SLC9C1: variants seen among roughly 807,000 people sequenced by gnomAD.
The protein encoded by SLC9C1 is sodium/hydrogen exchanger 10.
Under a neutral mutation model 140.9 loss-of-function variants are expected in SLC9C1, and 97 were observed. The ratio of observed to expected loss-of-function variants is 0.69; its 90% confidence interval spans 0.58 to 0.82. SLC9C1 has a LOEUF of 0.82. Ranked by LOEUF, SLC9C1 falls within the 40% of genes least tolerant of loss-of-function variation. SLC9C1 has a pLI of 0.00. For missense variants in SLC9C1, 1,340 were observed against 1,389.3 expected, an observed-to-expected ratio of 0.96 and a Z score of 0.56; for synonymous variants, 440 against 442.6, an observed-to-expected ratio of 0.99 and a Z score of 0.07.
intron 11 of SLC9C1, among the ~76,000 whole-genome samples, chr3:112,240,407 A>G (rs1022853517): frequency 6.6e-6 from 1 of 152,206 alleles, no homozygotes; most frequent in African/African-American, 2.4e-5. Flanking sequence ...GTGCCCATAT[A>G]TTCAGTTAAA....
chr3:112,149,345 C>CAG, intron 28 of SLC9C1, among the ~76,000 whole-genome samples: 1 of 150,380 alleles, frequency 6.6e-6, no homozygotes, highest in Middle Eastern at 3.6e-3. Flanking sequence ...GGGCATGAAG[C>CAG]AGAGAGAGAG....
intron 8 of SLC9C1, among the ~76,000 whole-genome samples, chr3:112,265,222 A>T (rs1381155614): frequency 6.6e-6 from 1 of 152,098 alleles, no homozygotes; most frequent in African/African-American, 2.4e-5. Context: ...CAAGAAAGAC[A>T]TCACAACTTA....
At chr3:112,162,800 A>C (rs916538074) in intron 26 of SLC9C1, among the ~76,000 whole-genome samples, 13 of 130,902 alleles carry the variant, frequency 9.9e-5, no homozygotes, top group Admixed American at 1.6e-4. Context: ...TGAGTTAGGG[A>C]GGATTCCCTC....
At chr3:112,217,400 GT>G (rs779989947) in intron 15 of SLC9C1, 41 bp downstream of exon 15, 1 of 1,510,266 alleles carries the variant, frequency 6.6e-7, no homozygotes, top group African/African-American at 1.4e-5. Flanking sequence ...GGAATTTCAA[GT>G]GAATATAATA....
intron 15 of SLC9C1, among the ~76,000 whole-genome samples, chr3:112,208,881 T>C (rs1024469270): frequency 1.3e-5 from 2 of 152,182 alleles, no homozygotes; most frequent in Middle Eastern, 3.2e-3. Flanking sequence ...CATCTTCTCT[T>C]GTCAAGGTAT....
intron 13 of SLC9C1, among the ~76,000 whole-genome samples, chr3:112,224,316 A>G (rs527870991): frequency 6.6e-6 from 1 of 152,296 alleles, no homozygotes; most frequent in Admixed American, 6.5e-5. Flanking sequence ...TCTGCAGGTG[A>G]GTCTTTCCCC....
At position 112,264,395 on chromosome 3, in the gene SLC9C1, C is replaced by G. The variant is rs779732092; in HGVS notation, c.879-52G>C. On this transcript the variant is annotated intron_variant, in intron 8 of 28. Transcript: ENST00000305815. ...TATTTATAATTAATTAATTTGACAT[C>G]TTTATTACAAGGTTTATCTATGTGA... 3.4e-5 allele frequency: 37 copies of G among 1,093,176 alleles called. No homozygotes were observed. In the Admixed American group the frequency reaches 3.7e-4, roughly 11 times the overall value. The allele number at this position is 1,093,176 out of a possible 1,614,324, so 67.7% of individuals were successfully genotyped here. A position where few individuals can be genotyped will look rare whatever the true frequency, so the allele number is the denominator to read the frequency against.
intron 12 of SLC9C1, 136 bp downstream of exon 12, chr3:112,239,701 TTTG>T (rs1342102591): frequency 1.2e-6 from 1 of 867,470 alleles, no homozygotes; most frequent in Admixed American, 3.2e-5. Flanking sequence ...CCCTTACTAC[TTTG>T]TTAAATAGAG....
intron 6 of SLC9C1, among the ~76,000 whole-genome samples, chr3:112,271,367 T>C (rs555343138): frequency 7.9e-6 from 1 of 126,666 alleles, no homozygotes; most frequent in East Asian, 2.4e-4. Context: ...GTGACGTTAA[T>C]TAGTTTGATT....
chr3:112,180,614 C>T lies in SLC9C1; in HGVS notation c.2698G>A (p.Glu900Lys), dbSNP rs754161351. The stretch of plus-strand genomic sequence containing the variant: ...TAGATTCCTTTGGGCTCATCACCTT[C>T]TTCAAATATATCATTTCCACAATCA... ...TFDCGNDIFE[E>K]GDEPKGIYII... The change falls in exon 22 of 29, where the codon GAA becomes AAA. Residue 900 changes from glutamate to lysine, a missense_variant. Coordinates refer to ENST00000305815, the MANE Select transcript of SLC9C1 (RefSeq NM_183061.3). 6.2e-7 allele frequency: 1 copy of T among 1,613,624 alleles called. No individual in the cohort carries two copies. Among genetic ancestry groups the T allele is most frequent in the East Asian group, 2.2e-5 (1 of 44,862 alleles).
intron 28 of SLC9C1, among the ~76,000 whole-genome samples, chr3:112,142,042 CGTTT>C (rs1361949289): frequency 6.6e-6 from 1 of 152,148 alleles, no homozygotes; most frequent in Non-Finnish European, 1.5e-5. Context: ...GTGCCTTGGA[CGTTT>C]TGTACACATT....
intron 12 of SLC9C1, among the ~76,000 whole-genome samples, chr3:112,234,146 G>A (rs967528632): frequency 6.6e-6 from 1 of 152,116 alleles, no homozygotes; most frequent in African/African-American, 2.4e-5. Context: ...AGCACCTGTT[G>A]TTTCCTGACT....
chr3:112,189,843 T>C (rs142879372), intron 20 of SLC9C1, among the ~76,000 whole-genome samples: 1,735 of 152,336 alleles, frequency 0.011, 40 homozygotes, highest in African/African-American at 0.038. Context: ...ATTTTCATGA[T>C]ATTGATTCTT....
At chr3:112,278,972 AC>A in intron 3 of SLC9C1, 115 bp from the exon 4 acceptor site, 3 of 1,033,464 alleles carry the variant, frequency 2.9e-6, no homozygotes, top group Non-Finnish European at 4.1e-6. Context: ...AAGATATATC[AC>A]ACAAAGGAGT....
intron 23 of SLC9C1, among the ~76,000 whole-genome samples, chr3:112,173,271 GCT>G (rs1360982651): frequency 6.6e-6 from 1 of 152,120 alleles, no homozygotes; most frequent in Non-Finnish European, 1.5e-5. Context: ...TGACGTGTGT[GCT>G]TTTTAAAATT....
intron 10 of SLC9C1, among the ~76,000 whole-genome samples, chr3:112,257,441 C>T (rs4440096): frequency 0.3 from 44,880 of 151,868 alleles, 6,813 homozygotes; most frequent in East Asian, 0.36. Flanking sequence ...CAAAAAGAAG[C>T]AATAGGGAAA....
chr3:112,175,293 G>C (rs2077315512), intron 23 of SLC9C1, among the ~76,000 whole-genome samples: 1 of 152,196 alleles, frequency 6.6e-6, no homozygotes, highest in South Asian at 2.1e-4. Context: ...GTGCGAAACA[G>C]CAGAGATGGT....
intron 28 of SLC9C1, among the ~76,000 whole-genome samples, chr3:112,145,812 A>G (rs1474125387): frequency 6.6e-6 from 1 of 152,026 alleles, no homozygotes; most frequent in Non-Finnish European, 1.5e-5. Flanking sequence ...CAGATAAATG[A>G]ATCGTGGGGG....
intron 10 of SLC9C1, among the ~76,000 whole-genome samples, chr3:112,255,123 C>T (rs1391068807): frequency 1.3e-5 from 2 of 152,110 alleles, no homozygotes; most frequent in Non-Finnish European, 2.9e-5. Context: ...TATACTCCCA[C>T]ACAAGAATAG....
Sources: gnomAD v4.1 joint callset for allele counts (sites outside exome capture counted in the v4.1 genomes callset) on GRCh38, gnomAD v4.1.1 for gene constraint, MANE v1.5 for transcripts, NCBI Gene and HGNC (gene_info 2026-07-23, HGNC 2026-07-21) for gene names.